CALU: variants seen among roughly 807,000 people sequenced by gnomAD.
CALU encodes IEF SSP 9302.
A neutral mutation model predicts 37.5 loss-of-function variants in CALU; 13 were observed. The ratio of observed to expected loss-of-function variants is 0.35; its 90% CI spans 0.23 to 0.55. The LOEUF is 0.55. CALU is among the 20% of genes least tolerant of loss of function. The probability of loss-of-function intolerance (pLI) is 0.89; values close to 1 mark genes in which losing one functional copy is unlikely to be tolerated. For missense variants in CALU, 282 were observed against 391.7 expected, an observed-to-expected ratio of 0.72 and a Z score of 2.36; for synonymous variants, 114 against 133.8, an observed-to-expected ratio of 0.85 and a Z score of 1.02.
intron 2 of CALU, 40 bp from the exon 3 acceptor site, chr7:128,754,222 C>G: frequency 6.6e-7 from 1 of 1,514,244 alleles, no homozygotes; most frequent in Non-Finnish European, 9.0e-7. Flanking sequence ...AGTTCTGTGT[C>G]TTTTTAACCT....
chr7:128,763,016 A>G (rs1400356540), intron 5 of CALU, among the ~76,000 whole-genome samples: 1 of 152,108 alleles, frequency 6.6e-6, no homozygotes, highest in Non-Finnish European at 1.5e-5. Context: ...CCTAACCTCA[A>G]CAACAATCAA....
rs1359739650 is a variant in CALU at position 128,764,111 on chromosome 7, GA to G, written c.644-3342del. On this transcript the variant is annotated intron_variant, in intron 5 of 6. Coordinates refer to ENST00000249364, the MANE Select transcript of CALU (RefSeq NM_001219.5). Reference sequence around the variant, plus strand: ...GTTGGCATCTGAAATATTTAATTAAGAAATTTAAACAGTTGTAAAGAATAGT... The same window carrying G: ...GTTGGCATCTGAAATATTTAATTAAGAATTTAAACAGTTGTAAAGAATAGT... Among the ~76,000 whole-genome samples, 24 of 152,056 alleles carry G rather than the reference GA, an allele frequency of 1.6e-4. 1 individual carries two copies. The highest frequency in any genetic ancestry group is 5.8e-4 in the African/African-American group (24 of 41,384).
At chr7:128,766,019 C>T (rs1354009810) in intron 5 of CALU, among the ~76,000 whole-genome samples, 2 of 152,206 alleles carry the variant, frequency 1.3e-5, no homozygotes, top group Non-Finnish European at 1.5e-5. Flanking sequence ...TACACAGGCA[C>T]GGTCTCGGCT....
intron 1 of CALU, among the ~76,000 whole-genome samples, chr7:128,746,312 C>T (rs1045996825): frequency 6.6e-6 from 1 of 152,032 alleles, no homozygotes; most frequent in East Asian, 1.9e-4. Context: ...CGTGTGCCAC[C>T]ACACCCAGCT....
In CALU at chr7:128,773,288, T is replaced by A. The variant is rs865904747; in HGVS notation, c.*4121T>A. Among the ~76,000 whole-genome samples the A allele has an allele frequency of 3.9e-5, 6 of 152,220 alleles. No homozygotes were observed. Among genetic ancestry groups the A allele is most frequent in the African/African-American group, 9.6e-5 (4 of 41,460 alleles). On this transcript the variant is annotated 3_prime_UTR_variant, in exon 7 of 7. Coordinates refer to ENST00000249364, the MANE Select transcript of CALU (RefSeq NM_001219.5). ...ATCTGAGTTTTTATTTTTATTTTTT[T>A]AATTTTATTTAAGTTCCAGGATACA...
chr7:128,744,008 C>T lies in CALU; in HGVS notation c.-11-4565C>T, dbSNP rs1800337518. ...ATCACTTGAGGTCAGGAGTTTGAGA[C>T]CAACCTGGACAACATGGTGAAACCC... On this transcript the variant is annotated intron_variant, in intron 1 of 6. Coordinates refer to ENST00000249364, the MANE Select transcript of CALU (RefSeq NM_001219.5). Among the ~76,000 whole-genome samples the T allele has an allele frequency of 2.0e-5, 3 of 152,206 alleles. 1 individual carries two copies. In the Middle Eastern group the frequency reaches 0.01, roughly 518 times the overall value.
At position 128,772,676 on chromosome 7, in the gene CALU, A is replaced by C; in HGVS notation, c.*3509A>C. On this transcript the variant is annotated 3_prime_UTR_variant, in exon 7 of 7. Coordinates refer to ENST00000249364, the MANE Select transcript of CALU (RefSeq NM_001219.5). Reference sequence around the variant, plus strand: ...AGCTTGGAACTGGAGAGAAAGGTACAATTGGAGATAACCTTGGCAGATGAG... The same window carrying C: ...AGCTTGGAACTGGAGAGAAAGGTACCATTGGAGATAACCTTGGCAGATGAG... 1 of 1,614,030 alleles carries C rather than the reference A, an allele frequency of 6.2e-7. No homozygotes were observed. Among genetic ancestry groups the C allele is most frequent in the East Asian group, 2.2e-5 (1 of 44,884 alleles).
intron 3 of CALU, among the ~76,000 whole-genome samples, chr7:128,755,274 T>C (rs1800831581): frequency 1.7e-5 from 2 of 120,642 alleles, no homozygotes; most frequent in Non-Finnish European, 3.2e-5. Context: ...ATTGCACTGC[T>C]GCACACCAGC....
At chr7:128,754,787 A>G in intron 3 of CALU, 1 of 935,256 alleles carries the variant, frequency 1.1e-6, no homozygotes. Flanking sequence ...AATGGGTCAC[A>G]CAGTAAAGGA....
At position 128,772,539 on chromosome 7, in the gene CALU, C is replaced by T. The variant is rs772553185; in HGVS notation, c.*3372C>T. The T allele has an allele frequency of 2.5e-6, 4 of 1,614,086 alleles. No individual in the cohort carries two copies. Among genetic ancestry groups the T allele is most frequent in the Non-Finnish European group, 2.5e-6 (3 of 1,180,014 alleles). ...GTTGCAAACAGGCCAATATTGGGTC[C>T]TCAGTTGGGGCCAACTTGGGTAGAC... On this transcript the variant is annotated 3_prime_UTR_variant, in exon 7 of 7. Coordinates refer to ENST00000249364, the MANE Select transcript of CALU (RefSeq NM_001219.5).
In CALU at chr7:128,767,450, A is replaced by C; in HGVS notation, c.644-6A>C. On this transcript the variant is annotated splice_polypyrimidine_tract_variant and splice_region_variant and intron_variant, in intron 5 of 6. Coordinates refer to ENST00000249364, the MANE Select transcript of CALU (RefSeq NM_001219.5). ...CCTTCTTTTGTATGTATGTCTGTGT[A>C]CCCAGGTGACATGTACAGCCATGAT... 6.2e-7 allele frequency: 1 copy of C among 1,606,400 alleles called. No individual in the cohort carries two copies. The highest frequency in any genetic ancestry group is 8.5e-7 in the Non-Finnish European group (1 of 1,172,878).
At chr7:128,764,122 AG>A (rs1562880918) in intron 5 of CALU, among the ~76,000 whole-genome samples, 1 of 152,186 alleles carries the variant, frequency 6.6e-6, no homozygotes, top group African/African-American at 2.4e-5. Context: ...AAATTTAAAC[AG>A]TTGTAAAGAA....
chr7:128,746,926 G>T (rs949107939), intron 1 of CALU, among the ~76,000 whole-genome samples: 1 of 151,828 alleles, frequency 6.6e-6, no homozygotes, highest in East Asian at 1.9e-4. Context: ...CCACCACCAC[G>T]CCCGGCTAAT....
At chr7:128,754,520 G>A (rs755183703) in intron 3 of CALU, 65 bp downstream of exon 3, 21 of 1,585,076 alleles carry the variant, frequency 1.3e-5, no homozygotes, top group Non-Finnish European at 1.4e-5. Context: ...TAACTGTTTT[G>A]TCTTGTAGAA....
At chr7:128,759,995 A>G (rs1801042034) in intron 5 of CALU, 143 bp downstream of exon 5, 1 of 557,224 alleles carries the variant, frequency 1.8e-6, no homozygotes, top group Admixed American at 3.0e-5. Context: ...CAGGAGTCCA[A>G]GTCCAGCCTG....
At chr7:128,748,542 C>T (rs1800534110) in intron 1 of CALU, 31 bp from the exon 2 acceptor site, 1 of 1,528,106 alleles carries the variant, frequency 6.5e-7, no homozygotes, top group Non-Finnish European at 9.0e-7. Context: ...CATACTGCCT[C>T]CTGAATTAAC....
chr7:128,759,998 C>A lies in CALU; in HGVS notation c.643+146C>A, dbSNP rs183428214. Reference sequence around the variant, plus strand: ...ATCACCTGAGGTCAGGAGTCCAAGTCCAGCCTGGCCAACATGGGGAAACCC... The same window carrying A: ...ATCACCTGAGGTCAGGAGTCCAAGTACAGCCTGGCCAACATGGGGAAACCC... On this transcript the variant is annotated intron_variant, in intron 5 of 6. Coordinates refer to ENST00000249364, the MANE Select transcript of CALU (RefSeq NM_001219.5). The A allele has an allele frequency of 1.0e-3, 559 of 548,084 alleles. 9 individuals carry two copies. Among genetic ancestry groups the A allele is most frequent in the Middle Eastern group, 7.1e-3 (14 of 1,960 alleles). The allele number at this position is 548,084 out of a possible 1,614,324, so 34.0% of individuals were successfully genotyped here.
chr7:128,767,135 G>A (rs1801367667), intron 5 of CALU, among the ~76,000 whole-genome samples: 1 of 152,130 alleles, frequency 6.6e-6, no homozygotes, highest in African/African-American at 2.4e-5. Flanking sequence ...GCTACCTTAG[G>A]GTGAAATGAA....
rs1801556979 is a variant in CALU, at chr7:128,771,369, T to C, written c.*2202T>C. The C allele has an allele frequency of 6.6e-6, 1 of 152,654 alleles. No homozygotes were observed. The highest frequency in any genetic ancestry group is 2.1e-4 in the South Asian group (1 of 4,830). 9.5% of individuals were successfully genotyped at this position (152,654 alleles called of 1,614,324 possible). A position where few individuals can be genotyped will look rare whatever the true frequency, so the allele number is the denominator to read the frequency against. ...TTGTGTGTTCTGTGAATGCTAGCTC[T>C]CTTGAATTTGGATATTGGTTATTTT... On this transcript the variant is annotated 3_prime_UTR_variant, in exon 7 of 7. Coordinates refer to ENST00000249364, the MANE Select transcript of CALU (RefSeq NM_001219.5).
Sources: allele counts gnomAD v4.1 joint callset (sites outside exome capture counted in the v4.1 genomes callset), GRCh38; gene constraint gnomAD v4.1.1; transcripts MANE v1.5; gene names NCBI Gene and HGNC (gene_info 2026-07-23, HGNC 2026-07-21).